Variants in SLC4A4 observed in about 807,000 individuals in gnomAD.
The protein encoded by SLC4A4 is solute carrier family 4 member 4.
Under a neutral mutation model 111.5 loss-of-function variants are expected in SLC4A4, and 27 were observed. The observed-to-expected ratio is 0.24, with a 90% confidence interval of 0.18 to 0.33. SLC4A4 has a LOEUF of 0.33. Among genes scored for constraint, SLC4A4 ranks in the 10% least tolerant of loss-of-function variants. The pLI, the probability that SLC4A4 is intolerant of heterozygous loss-of-function variation, is 1.00. For synonymous variants in SLC4A4, 443 were observed against 463.4 expected (o/e 0.96, Z 0.57); for missense variants, 909 against 1,315.5 (o/e 0.69, Z 4.78).
chr4:71,263,470 T>G (rs1722017158), intron 3 of SLC4A4, among the ~76,000 whole-genome samples: 1 of 152,200 alleles, frequency 6.6e-6, no homozygotes, highest in Non-Finnish European at 1.5e-5. Context: ...TGTTCTGCAA[T>G]AGCATATTTG....
intron 3 of SLC4A4, among the ~76,000 whole-genome samples, chr4:71,294,170 A>C (rs1724596731): frequency 6.6e-6 from 1 of 152,222 alleles, no homozygotes. Context: ...AAACTAAATA[A>C]AATAAGCAGT....
At chr4:71,131,688 TG>T (rs1743711919) in intron 2 of SLC4A4, among the ~76,000 whole-genome samples, 1 of 152,174 alleles carries the variant, frequency 6.6e-6, no homozygotes, top group South Asian at 2.1e-4. Flanking sequence ...GATGCCAGAT[TG>T]TGATCAAGAG....
chr4:71,261,901 T>C (rs1267344115), intron 3 of SLC4A4, among the ~76,000 whole-genome samples: 3 of 152,148 alleles, frequency 2.0e-5, no homozygotes, highest in Non-Finnish European at 4.4e-5. Context: ...CTCCACGTGC[T>C]GGGGTGCTCA....
rs578254129 is a variant in SLC4A4 at position 71,148,168 on chromosome 4, G to A, written c.-2+55376G>A. 2.0e-5 allele frequency among the ~76,000 whole-genome samples: 3 copies of A among 152,174 alleles called. No homozygotes were observed. In the South Asian group the frequency reaches 6.2e-4, roughly 31 times the overall value. On this transcript the variant is annotated intron_variant, in intron 2 of 26. Transcript: ENST00000649996. The stretch of plus-strand genomic sequence containing the variant: ...TCTGCTTCTGGCCTCTGCCTGAGCA[G>A]TGACAGGGAACTTCCAAGTTCCTGA...
intron 6 of SLC4A4, among the ~76,000 whole-genome samples, chr4:71,370,608 T>C (rs150240243): frequency 9.8e-4 from 150 of 152,312 alleles, no homozygotes; most frequent in African/African-American, 3.5e-3. Flanking sequence ...TGAGTTAATC[T>C]TACCAACATA....
chr4:71,303,779 T>A (rs1324054217), intron 3 of SLC4A4, among the ~76,000 whole-genome samples: 1 of 152,008 alleles, frequency 6.6e-6, no homozygotes, highest in East Asian at 1.9e-4. Flanking sequence ...CCTCCCTCCC[T>A]TTTTTCCTTT....
At chr4:71,120,157 G>C (rs1448087676) in intron 2 of SLC4A4, among the ~76,000 whole-genome samples, 4 of 152,028 alleles carry the variant, frequency 2.6e-5, no homozygotes, top group Non-Finnish European at 5.9e-5. Flanking sequence ...TGTGTCCTTT[G>C]ATTGTGGATT....
In SLC4A4 at chr4:71,269,894, T is replaced by C. The variant is rs1345802095; in HGVS notation, c.253+14495T>C. Among the ~76,000 whole-genome samples the C allele has an allele frequency of 2.6e-5, 4 of 152,164 alleles. No individual in the cohort carries two copies. The East Asian group carries it at 7.7e-4, about 29-fold the overall frequency. On this transcript the variant is annotated intron_variant, in intron 3 of 25. Transcript: ENST00000264485. ...GGGCAAGTAATTTGACTGCTCTAAG[T>C]CTCCATTCTCGTGATCTGTGAGGTA...
At chr4:71,369,259 A>G (rs1389700397) in intron 6 of SLC4A4, among the ~76,000 whole-genome samples, 1 of 152,174 alleles carries the variant, frequency 6.6e-6, no homozygotes, top group African/African-American at 2.4e-5. Flanking sequence ...AAAGTGTAAG[A>G]TGTAAATATT....
chr4:71,422,828 G>T (rs1722686129), intron 7 of SLC4A4, among the ~76,000 whole-genome samples: 1 of 152,092 alleles, frequency 6.6e-6, no homozygotes, highest in Admixed American at 6.6e-5. Context: ...GGTATTGATG[G>T]GATGTATTTC....
intron 12 of SLC4A4, among the ~76,000 whole-genome samples, chr4:71,457,863 A>T (rs1368007990): frequency 6.6e-6 from 1 of 152,152 alleles, no homozygotes; most frequent in Non-Finnish European, 1.5e-5. Context: ...AAAATGGAGT[A>T]CTATTTATGT....
In SLC4A4 at chr4:71,137,269, C is replaced by T. The variant is rs373619056; in HGVS notation, c.-2+44477C>T. ...TTCACCCCAGTTCTGATAACTGGAT[C>T]CCTGTCATATTTCCTTTTGTCCCCA... On this transcript the variant is annotated intron_variant, in intron 2 of 26. Transcript: ENST00000649996. Among the ~76,000 whole-genome samples the T allele has an allele frequency of 4.6e-5, 7 of 152,122 alleles. No individual in the cohort carries two copies. In the East Asian group the frequency reaches 9.6e-4, roughly 21 times the overall value.
chr4:71,171,265 G>C (rs1291568501), intron 2 of SLC4A4, among the ~76,000 whole-genome samples: 1 of 152,070 alleles, frequency 6.6e-6, no homozygotes, highest in Non-Finnish European at 1.5e-5. Context: ...AGAGTGTGGA[G>C]AGGAGAGTGT....
At chr4:71,460,178 A>T (rs991928966) in intron 12 of SLC4A4, among the ~76,000 whole-genome samples, 4 of 151,890 alleles carry the variant, frequency 2.6e-5, no homozygotes, top group Admixed American at 6.6e-5. Context: ...CAAAATCGTC[A>T]ATTTTTTAAT....
intron 3 of SLC4A4, among the ~76,000 whole-genome samples, chr4:71,276,022 A>G (rs1013394597): frequency 2.6e-5 from 4 of 152,232 alleles, no homozygotes; most frequent in African/African-American, 9.6e-5. Context: ...GCAGTTTCCA[A>G]GACAATTAGC....
At chr4:71,390,865 T>G (rs1241797430) in intron 6 of SLC4A4, among the ~76,000 whole-genome samples, 2 of 152,154 alleles carry the variant, frequency 1.3e-5, no homozygotes, top group Non-Finnish European at 1.5e-5. Context: ...GACCATGAAC[T>G]TAACCTGCTT....
chr4:71,357,723 GATA>G (rs1311693727), intron 6 of SLC4A4, among the ~76,000 whole-genome samples: 1 of 152,086 alleles, frequency 6.6e-6, no homozygotes, highest in Admixed American at 6.6e-5. Context: ...TCTGATATAG[GATA>G]ATGATAGATC....
chr4:71,130,418 G>A (rs1001896434), intron 2 of SLC4A4, among the ~76,000 whole-genome samples: 3 of 151,978 alleles, frequency 2.0e-5, no homozygotes, highest in Non-Finnish European at 4.4e-5. Context: ...TTTAAATTTT[G>A]TAGAGAAGGG....
At chr4:71,507,618 A>T (rs1272087458) in intron 16 of SLC4A4, among the ~76,000 whole-genome samples, 2 of 152,212 alleles carry the variant, frequency 1.3e-5, no homozygotes, top group East Asian at 1.9e-4. Context: ...CGTCAAAGTG[A>T]CTTAGACTCC....
Sources: allele counts gnomAD v4.1 joint callset (sites outside exome capture counted in the v4.1 genomes callset), GRCh38; gene constraint gnomAD v4.1.1; transcripts MANE v1.5; gene names NCBI Gene and HGNC (gene_info 2026-07-23, HGNC 2026-07-21).